NUP153: variants seen among roughly 807,000 people sequenced by gnomAD.
NUP153 encodes the protein nucleoporin 153.
Under a neutral mutation model 134.6 loss-of-function variants are expected in NUP153, and 27 were observed. The observed-to-expected ratio is 0.20, with a 90% CI of 0.15 to 0.28. NUP153 has a LOEUF of 0.28. Among genes scored for constraint, NUP153 ranks in the 10% least tolerant of loss-of-function variants. NUP153 has a pLI of 1.00. For synonymous variants in NUP153, 640 were observed against 623.5 expected (o/e 1.03, Z -0.40); for missense variants, 1,821 against 1,731.3 (o/e 1.05, Z -0.92).
Position 17,701,751 on chromosome 6 carries a change from T to G in NUP153, c.111+4526A>C, listed in dbSNP as rs559307789. ...CAAGAGCTGAGGCAGGAGAGCTGCT[T>G]GAACTCGGGAGGCAGAAGTTGCAGT... is the stretch of plus-strand genomic sequence containing the variant. On this transcript the variant is annotated intron_variant, in intron 1 of 21. Transcript: ENST00000262077. 4.2e-5 allele frequency among the ~76,000 whole-genome samples: 6 copies of G among 144,424 alleles called. No homozygotes were observed. In the South Asian group the frequency reaches 1.1e-3, roughly 26 times the overall value. The allele number at this position is 144,424 out of a possible 152,430, so 94.7% of individuals were successfully genotyped here.
chr6:17,688,712 A>G, intron 1 of NUP153, 94 bp from the exon 2 acceptor site: 1 of 921,056 alleles, frequency 1.1e-6, no homozygotes, highest in Non-Finnish European at 1.6e-6. Flanking sequence ...GCAAAACACA[A>G]TGGTGTCCAA....
intron 20 of NUP153, 105 bp downstream of exon 20, chr6:17,624,456 A>G (rs1561852363): frequency 9.2e-7 from 1 of 1,091,114 alleles, no homozygotes; most frequent in South Asian, 1.5e-5. Context: ...CAAGTACAAG[A>G]GATAATTTTA....
At chr6:17,702,605 G>A (rs1395779409) in intron 1 of NUP153, among the ~76,000 whole-genome samples, 2 of 152,110 alleles carry the variant, frequency 1.3e-5, no homozygotes, top group African/African-American at 4.8e-5. Context: ...GAACCCAGGA[G>A]GCAGAGGTTG....
At position 17,691,838 on chromosome 6, in the gene NUP153, A is replaced by G. The variant is rs138985396; in HGVS notation, c.112-3220T>C. 5.1e-4 allele frequency among the ~76,000 whole-genome samples: 77 copies of G among 152,118 alleles called. 1 individual carries two copies. The East Asian group carries it at 0.013, about 26-fold the overall frequency. On this transcript the variant is annotated intron_variant, in intron 1 of 21. Transcript: ENST00000262077. The stretch of plus-strand genomic sequence containing the variant: ...ATAGCAAGAATTTTTTTTTTTCCAG[A>G]GACCTGTGTCATACCAGGTAGAGTG...
intron 11 of NUP153, 52 bp downstream of exon 11, chr6:17,661,601 A>T: frequency 6.4e-7 from 1 of 1,563,392 alleles, no homozygotes; most frequent in Non-Finnish European, 8.7e-7. Flanking sequence ...TACCACCACC[A>T]CACCAATGCT....
At chr6:17,616,302 A>G in intron 21 of NUP153, 121 bp from the exon 22 acceptor site, 3 of 623,996 alleles carry the variant, frequency 4.8e-6, no homozygotes, top group Non-Finnish European at 8.4e-6. Context: ...GTAGACTCAC[A>G]TTGGTATATA....
chr6:17,649,321 T>C (rs1766389277), intron 11 of NUP153, 21 bp from the exon 12 acceptor site: 1 of 1,600,866 alleles, frequency 6.2e-7, no homozygotes, highest in East Asian at 2.2e-5. Flanking sequence ...ACATGTTGCA[T>C]GATATATTTC....
intron 1 of NUP153, among the ~76,000 whole-genome samples, chr6:17,703,804 G>T (rs1770279191): frequency 6.6e-6 from 1 of 151,986 alleles, no homozygotes; most frequent in South Asian, 2.1e-4. Context: ...GCTAAAATAT[G>T]TTTTCTTTTT....
chr6:17,700,913 A>G (rs1211901450), intron 1 of NUP153, among the ~76,000 whole-genome samples: 1 of 152,230 alleles, frequency 6.6e-6, no homozygotes, highest in Non-Finnish European at 1.5e-5. Context: ...CTACTGATAA[A>G]GAGGTTTCCT....
In NUP153 at chr6:17,662,446, T is replaced by C. The variant is rs180944309; in HGVS notation, c.1216-376A>G. On this transcript the variant is annotated intron_variant, in intron 9 of 21. Transcript: ENST00000262077. The stretch of plus-strand genomic sequence containing the variant: ...CAACTTAAAGAATTAATACTTCCAC[T>C]GAAAGGAATCAAGACTTCTTGGAAA... Among the ~76,000 whole-genome samples, 15 of 152,268 alleles carry C rather than the reference T, an allele frequency of 9.9e-5. No individual in the cohort carries two copies. In the East Asian group the frequency reaches 2.9e-3, roughly 29 times the overall value.
intron 11 of NUP153, among the ~76,000 whole-genome samples, chr6:17,660,901 T>C (rs923071523): frequency 1.3e-5 from 2 of 152,124 alleles, no homozygotes; most frequent in Non-Finnish European, 2.9e-5. Context: ...CCAAAATGTA[T>C]CCTGATGGCA....
chr6:17,634,303 G>A (rs191917022), intron 16 of NUP153, among the ~76,000 whole-genome samples: 3 of 152,210 alleles, frequency 2.0e-5, no homozygotes, highest in Admixed American at 6.5e-5. Flanking sequence ...CTCCCTGTAA[G>A]TTAGCGGACT....
chr6:17,626,219 G>A, intron 18 of NUP153, 55 bp from the exon 19 acceptor site: 3 of 1,415,858 alleles, frequency 2.1e-6, no homozygotes, highest in Non-Finnish European at 2.9e-6. Flanking sequence ...GTCTCAGAAA[G>A]TACTTTTTCC....
At chr6:17,694,837 G>A (rs993927520) in intron 1 of NUP153, among the ~76,000 whole-genome samples, 7 of 151,902 alleles carry the variant, frequency 4.6e-5, no homozygotes, top group Admixed American at 1.3e-4. Flanking sequence ...AAAGTAGCCG[G>A]GCATGGTGGT....
chr6:17,656,734 G>GTA (rs1165458714), intron 11 of NUP153, among the ~76,000 whole-genome samples: 3 of 152,306 alleles, frequency 2.0e-5, no homozygotes, highest in African/African-American at 7.2e-5. Context: ...CCTTAAGGTA[G>GTA]TATGTTTATT....
intron 5 of NUP153, among the ~76,000 whole-genome samples, chr6:17,670,779 A>G (rs1032314239): frequency 2.6e-5 from 4 of 152,102 alleles, no homozygotes; most frequent in Non-Finnish European, 4.4e-5. Flanking sequence ...AGTACTCTTT[A>G]GATTGTTTAC....
At chr6:17,696,846 G>A (rs1402506298) in intron 1 of NUP153, among the ~76,000 whole-genome samples, 2 of 152,026 alleles carry the variant, frequency 1.3e-5, no homozygotes, top group African/African-American at 4.8e-5. Flanking sequence ...GCCGAGGTGG[G>A]CAGATCACTT....
chr6:17,685,604 G>A (rs1768877842), intron 2 of NUP153, among the ~76,000 whole-genome samples: 1 of 151,052 alleles, frequency 6.6e-6, no homozygotes, highest in African/African-American at 2.4e-5. Flanking sequence ...TTATGAAGAA[G>A]CTGAAAAATC....
chr6:17,624,960 C>CA, intron 19 of NUP153, 127 bp from the exon 20 acceptor site: 3 of 847,996 alleles, frequency 3.5e-6, no homozygotes, highest in Non-Finnish European at 5.3e-6. Flanking sequence ...AACCAAATTC[C>CA]ATCAAGACAA....
Sources: gnomAD v4.1 joint callset for allele counts (sites outside exome capture counted in the v4.1 genomes callset) on GRCh38, gnomAD v4.1.1 for gene constraint, MANE v1.5 for transcripts, NCBI Gene and HGNC (gene_info 2026-07-23, HGNC 2026-07-21) for gene names.